The following MAGEC3 variants were observed in gnomAD, a reference collection of about 807,000 sequenced individuals.
MAGEC3 encodes melanoma-associated antigen C3.
MAGEC3 carries 34 observed loss-of-function variants against 35.3 expected under a neutral mutation model. The observed-to-expected ratio is 0.96, with a 90% CI of 0.73 to 1.28. MAGEC3 has a LOEUF of 1.28. MAGEC3 is among the 50% of genes most tolerant of loss of function. The probability of loss-of-function intolerance (pLI) is 0.00; values close to 1 mark genes in which losing one functional copy is unlikely to be tolerated. For missense variants in MAGEC3, 561 were observed against 483.6 expected (o/e 1.16, Z -1.50); for synonymous variants, 202 against 185.6 (o/e 1.09, Z -0.72).
At chrX:141,849,012 G>C (rs913268869) in intron 1 of MAGEC3, among the ~76,000 whole-genome samples, 1 of 111,206 alleles carries the variant, frequency 9.0e-6, no homozygotes, top group Non-Finnish European at 1.9e-5. Context: ...ACATTACCCA[G>C]TTACAAACTA....
At chrX:141,850,148 C>T (rs888163058) in intron 1 of MAGEC3, among the ~76,000 whole-genome samples, 43 of 111,123 alleles carry the variant, frequency 3.9e-4, no homozygotes, top group African/African-American at 1.2e-3. Flanking sequence ...CACATGTTCT[C>T]ACTTTTAAGT....
chrX:141,871,137 T>C (rs1430648040), intron 2 of MAGEC3, among the ~76,000 whole-genome samples: 3 of 111,882 alleles, frequency 2.7e-5, no homozygotes, highest in African/African-American at 9.8e-5. Flanking sequence ...ATAACACATA[T>C]ATAACCACAC....
chrX:141,857,024 A>G (rs970204850), intron 1 of MAGEC3, among the ~76,000 whole-genome samples: 1 of 111,632 alleles, frequency 9.0e-6, no homozygotes. Flanking sequence ...CCATGGACTC[A>G]CTTGCCAGAA....
At chrX:141,849,516 G>A (rs2017737669) in intron 1 of MAGEC3, among the ~76,000 whole-genome samples, 2 of 110,732 alleles carry the variant, frequency 1.8e-5, no homozygotes, top group South Asian at 7.5e-4. Context: ...TCTAACAAAG[G>A]TCTAATATCC....
chrX:141,838,624 G>A lies in MAGEC3; in HGVS notation c.123+186G>A, dbSNP rs527744368. ...CCCTTGGTTGCAGTAGCCTGTGGTC[G>A]CTCATGTCTGAATCTCCAGGGAAAC... On this transcript the variant is annotated intron_variant, in intron 1 of 7. Coordinates refer to ENST00000298296, the MANE Select transcript of MAGEC3 (RefSeq NM_138702.1). 5.6e-5 allele frequency: 41 copies of A among 734,401 alleles called. 1 individual carries two copies. The South Asian group carries it at 2.2e-3, about 39-fold the overall frequency. 60.5% of individuals were successfully genotyped at this position (734,401 alleles called of 1,213,427 possible).
chrX:141,839,427 G>A (rs1418216312), intron 1 of MAGEC3: 11 of 738,539 alleles, frequency 1.5e-5, no homozygotes, highest in Non-Finnish European at 1.8e-5. Context: ...AAGGATTATG[G>A]AGAAGAACGG....
At chrX:141,846,216 T>TA (rs1439732715) in intron 1 of MAGEC3, among the ~76,000 whole-genome samples, 1 of 109,291 alleles carries the variant, frequency 9.1e-6, no homozygotes, top group East Asian at 2.9e-4. Flanking sequence ...GTTTTTTTTT[T>TA]TTTTTAAATA....
chrX:141,880,017 C>T (rs189914897), intron 3 of MAGEC3, among the ~76,000 whole-genome samples: 13 of 111,687 alleles, frequency 1.2e-4, no homozygotes, highest in African/African-American at 3.6e-4. Flanking sequence ...TATCAGCCCT[C>T]GTAGAGCTCC....
intron 1 of MAGEC3, among the ~76,000 whole-genome samples, chrX:141,865,236 A>G (rs1459063484): frequency 9.0e-6 from 1 of 111,168 alleles, no homozygotes; most frequent in Non-Finnish European, 1.9e-5. Flanking sequence ...GATGTCTGAT[A>G]TATTGTTTCT....
chrX:141,852,554 T>A (rs766251347), intron 1 of MAGEC3, among the ~76,000 whole-genome samples: 25 of 110,849 alleles, frequency 2.3e-4, no homozygotes, highest in Non-Finnish European at 4.5e-4. Flanking sequence ...TTGAGTATCA[T>A]GTTAGCTGCA....
intron 4 of MAGEC3, among the ~76,000 whole-genome samples, chrX:141,890,193 A>G (rs1320659606): frequency 1.8e-5 from 2 of 110,839 alleles, no homozygotes; most frequent in Non-Finnish European, 3.8e-5. Context: ...CCTGACTAAT[A>G]CATATTGGTT....
chrX:141,887,356 G>A (rs1017500367), intron 4 of MAGEC3, among the ~76,000 whole-genome samples: 3 of 112,339 alleles, frequency 2.7e-5, no homozygotes, highest in Non-Finnish European at 3.8e-5. Context: ...TCCAGTGAGC[G>A]AGAAGTGGCA....
intron 4 of MAGEC3, among the ~76,000 whole-genome samples, chrX:141,885,848 G>A (rs1413391240): frequency 1.8e-5 from 2 of 109,841 alleles, no homozygotes; most frequent in South Asian, 4.0e-4. Flanking sequence ...AGTCATTTTA[G>A]ACCTACTCAT....
At chrX:141,874,594 A>G (rs1035899004) in intron 2 of MAGEC3, among the ~76,000 whole-genome samples, 9 of 111,639 alleles carry the variant, frequency 8.1e-5, no homozygotes, top group African/African-American at 2.9e-4. Context: ...ATCATGTAAA[A>G]AGATGATTAG....
intron 2 of MAGEC3, among the ~76,000 whole-genome samples, chrX:141,878,004 T>C (rs2017930806): frequency 8.9e-6 from 1 of 111,844 alleles, no homozygotes; most frequent in Non-Finnish European, 1.9e-5. Context: ...CGAAATTCTA[T>C]TTTCTATGCC....
At chrX:141,844,950 G>A (rs16979894) in intron 1 of MAGEC3, among the ~76,000 whole-genome samples, 5,914 of 109,212 alleles carry the variant, frequency 0.054, 392 homozygotes, top group African/African-American at 0.18. Context: ...AAGCGCTAAC[G>A]TTTTCAGCCA....
Position 141,897,366 on chromosome X carries a change from C to G in MAGEC3, c.1608C>G (p.Ser536Arg). Reference protein sequence around the residue: ...EDTLDLTYEGSLIDDQGMPKN... With the variant: ...EDTLDLTYEGRLIDDQGMPKN... ...CATTAGACCTCACCTATGAGGGAAG[C>G]CTGATTGATGACCAGGGCATGCCCA... The change falls in exon 7 of 8, where the codon AGC becomes AGG. Residue 536 changes from serine to arginine, a missense_variant. Transcript: ENST00000298296. 1 of 1,211,774 alleles carries G rather than the reference C, an allele frequency of 8.3e-7. No homozygotes were observed. The highest frequency in any genetic ancestry group is 1.8e-5 in the South Asian group (1 of 56,968).
chrX:141,887,588 T>C (rs188847009), intron 4 of MAGEC3, among the ~76,000 whole-genome samples: 1 of 111,898 alleles, frequency 8.9e-6, no homozygotes, highest in East Asian at 2.8e-4. Context: ...AAGCAACACA[T>C]TCCTCATTTG....
chrX:141,865,632 G>T (rs1391016844), intron 2 of MAGEC3, 27 bp downstream of exon 2: 1 of 1,184,615 alleles, frequency 8.4e-7, no homozygotes, highest in Non-Finnish European at 1.1e-6. Context: ...AAGACTGAGG[G>T]GACCTCCTGC....
Sources: allele counts gnomAD v4.1 joint callset (sites outside exome capture counted in the v4.1 genomes callset), GRCh38; gene constraint gnomAD v4.1.1; transcripts MANE v1.5; gene names NCBI Gene and HGNC (gene_info 2026-07-23, HGNC 2026-07-21).